The following MAPK8 variants were observed in gnomAD, a reference collection of about 807,000 sequenced individuals.
MAPK8 encodes JUN N-terminal kinase.
A neutral mutation model predicts 52.9 loss-of-function variants in MAPK8; 13 were observed. The ratio of observed to expected loss-of-function variants is 0.25; its 90% CI spans 0.16 to 0.39. The LOEUF (loss-of-function observed/expected upper bound fraction) is 0.39. MAPK8 is among the 10% of genes least tolerant of loss of function. The pLI is 1.00. For missense variants in MAPK8, 300 were observed against 519.2 expected, an observed-to-expected ratio of 0.58 and a Z score of 4.10; for synonymous variants, 191 against 169.8, an observed-to-expected ratio of 1.12 and a Z score of -0.97.
chr10:48,350,543 A>G (rs1846212067), intron 1 of MAPK8, among the ~76,000 whole-genome samples: 2 of 152,238 alleles, frequency 1.3e-5, no homozygotes, highest in Admixed American at 1.3e-4. Flanking sequence ...ATAGATGCAG[A>G]AAAGGCCTTT....
In MAPK8 at chr10:48,420,265, G is replaced by A. The variant is rs143505474; in HGVS notation, c.561G>A (p.Val187=). Residue 187 remains valine (V), a synonymous_variant, in exon 6 of 12, where the codon GTG becomes GTA. Coordinates refer to ENST00000374189, the MANE Select transcript of MAPK8 (RefSeq NM_001323329.2). Reference sequence around the variant, plus strand: ...GTTTTATGATGACGCCTTATGTAGTGACTCGCTACTACAGAGCACCCGAGG... The same window carrying A: ...GTTTTATGATGACGCCTTATGTAGTAACTCGCTACTACAGAGCACCCGAGG... ...GTSFMMTPYV[V]TRYYRAPEVI... The A allele has an allele frequency of 6.2e-7, 1 of 1,613,624 alleles. No homozygotes were observed. Among genetic ancestry groups the A allele is most frequent in the Non-Finnish European group, 8.5e-7 (1 of 1,179,720 alleles).
rs575341680 is a variant in MAPK8, at chr10:48,369,295, T to A, written c.-49-32317T>A. Among the ~76,000 whole-genome samples, 3 of 152,266 alleles carry A rather than the reference T, an allele frequency of 2.0e-5. No individual in the cohort carries two copies. The South Asian group carries it at 6.2e-4, about 32-fold the overall frequency. ...GATCTGTGGTAGATTAAAGGTTGAA[T>A]CTCCAGAAGTGTATGTAGATTGGAT... is the stretch of plus-strand genomic sequence containing the variant. On this transcript the variant is annotated intron_variant, in intron 1 of 11. Transcript: ENST00000374189.
intron 1 of MAPK8, among the ~76,000 whole-genome samples, chr10:48,345,404 G>T (rs1026314532): frequency 6.6e-6 from 1 of 152,142 alleles, no homozygotes; most frequent in Non-Finnish European, 1.5e-5. Flanking sequence ...AGTATTTTGC[G>T]AAATAAATTT....
intron 5 of MAPK8, among the ~76,000 whole-genome samples, chr10:48,413,815 TTATATATATA>T (rs59042608): frequency 0.01 from 502 of 48,398 alleles, 14 homozygotes; most frequent in Middle Eastern, 0.027. Context: ...GCCAGAATTG[TTATATATATA>T]TATATATATA....
chr10:48,368,835 G>T (rs1881735), intron 1 of MAPK8, among the ~76,000 whole-genome samples: 122,787 of 152,154 alleles, frequency 0.81, 49,725 homozygotes, highest in Middle Eastern at 0.9. Context: ...TATCAGATGC[G>T]TCCTCTTCTG....
At chr10:48,348,756 T>C (rs1289231558) in intron 1 of MAPK8, among the ~76,000 whole-genome samples, 1 of 152,202 alleles carries the variant, frequency 6.6e-6, no homozygotes, top group African/African-American at 2.4e-5. Context: ...ATATCTGTTT[T>C]GGTACCAGTA....
intron 1 of MAPK8, among the ~76,000 whole-genome samples, chr10:48,346,363 T>C (rs1845774347): frequency 6.6e-6 from 1 of 152,096 alleles, no homozygotes; most frequent in African/African-American, 2.4e-5. Context: ...TGAGGGGACA[T>C]AGTGAGGTGT....
chr10:48,401,109 T>C (rs565777309), intron 1 of MAPK8, among the ~76,000 whole-genome samples: 1 of 152,328 alleles, frequency 6.6e-6, no homozygotes, highest in African/African-American at 2.4e-5. Flanking sequence ...GTACCCTTTG[T>C]TTTTTAGGCA....
intron 1 of MAPK8, among the ~76,000 whole-genome samples, chr10:48,340,946 A>G (rs1013566351): frequency 2.0e-5 from 3 of 152,204 alleles, no homozygotes; most frequent in Non-Finnish European, 4.4e-5. Flanking sequence ...TTCTGGAAAG[A>G]GCCTCCTGCC....
Position 48,435,266 on chromosome 10 carries a change from A to C in MAPK8, c.*237A>C, listed in dbSNP as rs572828910. On this transcript the variant is annotated 3_prime_UTR_variant, in exon 12 of 12. Coordinates refer to ENST00000374189, the MANE Select transcript of MAPK8 (RefSeq NM_001323329.2). ...TTTTTTTGCTGTAATTAACTGTATAATGTAAACCTAATTATTTTATCATGG... is the reference window on the plus strand; with the variant it reads ...TTTTTTTGCTGTAATTAACTGTATACTGTAAACCTAATTATTTTATCATGG... 11 of 385,942 alleles carry C rather than the reference A, an allele frequency of 2.9e-5. No homozygotes were observed. Among genetic ancestry groups the C allele is most frequent in the Non-Finnish European group, 5.0e-5 (11 of 218,232 alleles). 23.9% of individuals were successfully genotyped at this position (385,942 alleles called of 1,614,324 possible). A position where few individuals can be genotyped will look rare whatever the true frequency, so the allele number is the denominator to read the frequency against.
At chr10:48,323,002 G>A (rs907510997) in intron 1 of MAPK8, among the ~76,000 whole-genome samples, 1 of 152,140 alleles carries the variant, frequency 6.6e-6, no homozygotes, top group Non-Finnish European at 1.5e-5. Flanking sequence ...TTGTTAGGTT[G>A]ATCAAGGTTT....
At chr10:48,420,039 T>C in intron 5 of MAPK8, 116 bp from the exon 6 acceptor site, 1 of 739,342 alleles carries the variant, frequency 1.4e-6, no homozygotes. Flanking sequence ...AATATTACAG[T>C]GAGAAAAACG....
chr10:48,362,212 C>T (rs1241725865), intron 1 of MAPK8, among the ~76,000 whole-genome samples: 1 of 152,134 alleles, frequency 6.6e-6, no homozygotes, highest in Non-Finnish European at 1.5e-5. Context: ...TATTCATTCC[C>T]TTCACCATAT....
chr10:48,437,498 A>G lies in MAPK8; in HGVS notation c.*2469A>G, dbSNP rs913172962. The stretch of plus-strand genomic sequence containing the variant: ...TTACTATCAGAAAGTTATTTTGACC[A>G]AGATTTTTATTATCTTCATAGATTC... On this transcript the variant is annotated 3_prime_UTR_variant, in exon 12 of 12. Transcript: ENST00000374189. The G allele has an allele frequency of 4.6e-5, 7 of 152,200 alleles. No homozygotes were observed. Among genetic ancestry groups the G allele is most frequent in the African/African-American group, 1.7e-4 (7 of 41,450 alleles). The allele number at this position is 152,200 out of a possible 1,614,324, so 9.4% of individuals were successfully genotyped here. A position where few individuals can be genotyped will look rare whatever the true frequency, so the allele number is the denominator to read the frequency against.
Position 48,409,872 on chromosome 10 carries a change from A to C in MAPK8, c.253-7A>C. 6.3e-7 allele frequency: 1 copy of C among 1,594,650 alleles called. No individual in the cohort carries two copies. Among genetic ancestry groups the C allele is most frequent in the Non-Finnish European group, 8.6e-7 (1 of 1,165,204 alleles). On this transcript the variant is annotated splice_region_variant and splice_polypyrimidine_tract_variant and intron_variant, in intron 3 of 11. Coordinates refer to ENST00000374189, the MANE Select transcript of MAPK8 (RefSeq NM_001323329.2). ...CTAATTTTTCTGTCTCTCGACTTTTATTATAGATAATTGGCCTTTTGAATG... is the reference window on the plus strand; with the variant it reads ...CTAATTTTTCTGTCTCTCGACTTTTCTTATAGATAATTGGCCTTTTGAATG...
chr10:48,320,210 C>CAT (rs1842868355), intron 1 of MAPK8, among the ~76,000 whole-genome samples: 1 of 30,380 alleles, frequency 3.3e-5, no homozygotes, highest in Non-Finnish European at 7.2e-5. Context: ...CACTGCTCGG[C>CAT]CTTTTTTTTT....
At chr10:48,358,515 T>A (rs895326549) in intron 1 of MAPK8, among the ~76,000 whole-genome samples, 1 of 152,196 alleles carries the variant, frequency 6.6e-6, no homozygotes, top group African/African-American at 2.4e-5. Context: ...ATACAAGACC[T>A]TTGTCAGATA....
At chr10:48,315,841 C>T (rs1842445727) in intron 1 of MAPK8, among the ~76,000 whole-genome samples, 4 of 151,726 alleles carry the variant, frequency 2.6e-5, no homozygotes, top group East Asian at 1.9e-4. Context: ...ACTTTTTATA[C>T]TCTTATATTT....
At chr10:48,408,231 T>C (rs2042570836) in intron 3 of MAPK8, among the ~76,000 whole-genome samples, 1 of 152,200 alleles carries the variant, frequency 6.6e-6, no homozygotes, top group Non-Finnish European at 1.5e-5. Flanking sequence ...AAGACACAGT[T>C]GTTTCTAATA....
Sources: gnomAD v4.1 joint callset for allele counts (sites outside exome capture counted in the v4.1 genomes callset) on GRCh38, gnomAD v4.1.1 for gene constraint, MANE v1.5 for transcripts, NCBI Gene and HGNC (gene_info 2026-07-23, HGNC 2026-07-21) for gene names.